YIPF1: variants seen among roughly 807,000 people sequenced by gnomAD.
YIPF1 encodes the protein Yip1 domain family member 1.
In YIPF1, 22 loss-of-function variants were observed where a neutral mutation model predicts 37.0. The observed-to-expected ratio is 0.59, with a 90% CI of 0.42 to 0.85. The LOEUF is 0.85. Among genes scored for constraint, YIPF1 ranks in the 40% least tolerant of loss-of-function variants. YIPF1 has a pLI of 0.00. For synonymous variants in YIPF1, 128 were observed against 131.9 expected, an observed-to-expected ratio of 0.97 and a Z score of 0.21; for missense variants, 355 against 373.1, an observed-to-expected ratio of 0.95 and a Z score of 0.40.
intron 6 of YIPF1, among the ~76,000 whole-genome samples, chr1:53,875,788 A>G (rs1267150400): frequency 6.6e-6 from 1 of 152,234 alleles, no homozygotes; most frequent in Non-Finnish European, 1.5e-5. Context: ...AGATATCTAC[A>G]TAAATCACTC....
chr1:53,888,868 G>A, intron 3 of YIPF1, 39 bp downstream of exon 3: 1 of 1,544,804 alleles, frequency 6.5e-7, no homozygotes, highest in Non-Finnish European at 8.9e-7. Context: ...TGTAGCAACA[G>A]TGATCATAAA....
chr1:53,862,736 T>C lies in YIPF1; in HGVS notation c.832-2583A>G, dbSNP rs181525063. ...CTGCCAGTTCCTCTCTCTGCCCTAA[T>C]AATAATGTCTTCCATTTACATGACT... On this transcript the variant is annotated intron_variant, in intron 9 of 10. Coordinates refer to ENST00000072644, the MANE Select transcript of YIPF1 (RefSeq NM_018982.5). 3.3e-3 allele frequency among the ~76,000 whole-genome samples: 499 copies of C among 152,332 alleles called. 8 individuals carry two copies. Among genetic ancestry groups the C allele is most frequent in the Non-Finnish European group, 1.1e-3 (74 of 68,028 alleles).
At chr1:53,876,093 G>A (rs1371475986) in intron 6 of YIPF1, among the ~76,000 whole-genome samples, 1 of 152,138 alleles carries the variant, frequency 6.6e-6, no homozygotes, top group Non-Finnish European at 1.5e-5. Flanking sequence ...AACTGTGTAT[G>A]TTTACTAAAA....
At chr1:53,859,715 A>G (rs1481630887) in intron 10 of YIPF1, among the ~76,000 whole-genome samples, 3 of 152,182 alleles carry the variant, frequency 2.0e-5, no homozygotes, top group Non-Finnish European at 2.9e-5. Flanking sequence ...AACCACCAGG[A>G]TTGTTATAAA....
intron 6 of YIPF1, among the ~76,000 whole-genome samples, chr1:53,872,639 C>A (rs549032982): frequency 1.3e-5 from 2 of 152,300 alleles, no homozygotes; most frequent in African/African-American, 4.8e-5. Flanking sequence ...TATTTTGCAA[C>A]ACCCTTTGGG....
At chr1:53,852,782 CAA>C (rs10708560) in intron 10 of YIPF1, among the ~76,000 whole-genome samples, 95 of 144,934 alleles carry the variant, frequency 6.6e-4, no homozygotes, top group Middle Eastern at 7.1e-3. Flanking sequence ...AATAGGGGGC[CAA>C]AAAAAAAAAG....
intron 9 of YIPF1, among the ~76,000 whole-genome samples, chr1:53,860,468 T>C (rs1649840406): frequency 6.6e-6 from 1 of 152,236 alleles, no homozygotes; most frequent in South Asian, 2.1e-4. Flanking sequence ...GACTGTCATT[T>C]GATCAGGTGA....
rs1041902004 is a variant in YIPF1, at chr1:53,876,005, T to C, written c.364+2310A>G. Among the ~76,000 whole-genome samples, 6 of 152,244 alleles carry C rather than the reference T, an allele frequency of 3.9e-5. No homozygotes were observed. In the East Asian group the frequency reaches 5.8e-4, roughly 15 times the overall value. On this transcript the variant is annotated intron_variant, in intron 6 of 10. Transcript: ENST00000072644. ...CCTAAGGGTAGAGATTTTTATGTTT[T>C]CACTGCTGTATCTCCAGTACAATAG...
intron 3 of YIPF1, among the ~76,000 whole-genome samples, chr1:53,885,341 A>C (rs1355235599): frequency 6.6e-6 from 1 of 152,222 alleles, no homozygotes; most frequent in Non-Finnish European, 1.5e-5. Flanking sequence ...TAAAATAACT[A>C]GAAAAGTATA....
rs368625916 is a variant in YIPF1, at chr1:53,888,833, T to C, written c.31+74A>G. The C allele has an allele frequency of 5.1e-5, 70 of 1,384,910 alleles. No individual in the cohort carries two copies. The African/African-American group carries it at 9.6e-4, about 19-fold the overall frequency. 85.8% of individuals were successfully genotyped at this position (1,384,910 alleles called of 1,614,324 possible). A position where few individuals can be genotyped will look rare whatever the true frequency, so the allele number is the denominator to read the frequency against. ...ATATCCTTCAATGTGTGAGGCAGTA[T>C]AGGAATGAAAATACTTGCTGTGACT... On this transcript the variant is annotated intron_variant, in intron 3 of 10. Transcript: ENST00000072644.
chr1:53,860,431 A>G (rs1649839691), intron 9 of YIPF1, among the ~76,000 whole-genome samples: 1 of 152,228 alleles, frequency 6.6e-6, no homozygotes, highest in Non-Finnish European at 1.5e-5. Flanking sequence ...TCCTCATTAG[A>G]CAGATAAAGA....
At chr1:53,885,835 A>G (rs890494113) in intron 3 of YIPF1, among the ~76,000 whole-genome samples, 13 of 151,490 alleles carry the variant, frequency 8.6e-5, no homozygotes, top group Non-Finnish European at 1.6e-4. Context: ...AAAAAAAAAA[A>G]AAAGAGAGAA....
intron 3 of YIPF1, 81 bp downstream of exon 3, chr1:53,888,826 G>C (rs2100747788): frequency 7.6e-7 from 1 of 1,309,022 alleles, no homozygotes; most frequent in Non-Finnish European, 1.1e-6. Flanking sequence ...CAATGTGTGA[G>C]GCAGTATAGG....
intron 6 of YIPF1, among the ~76,000 whole-genome samples, chr1:53,874,217 C>T (rs369614630): frequency 6.6e-6 from 1 of 152,098 alleles, no homozygotes; most frequent in East Asian, 1.9e-4. Context: ...CCAGCTACCC[C>T]CAGTGGAAGG....
At chr1:53,886,329 G>C (rs1227000702) in intron 3 of YIPF1, among the ~76,000 whole-genome samples, 1 of 151,896 alleles carries the variant, frequency 6.6e-6, no homozygotes, top group Non-Finnish European at 1.5e-5. Context: ...TCTTCACACA[G>C]TCTGCTCTGT....
chr1:53,870,329 C>A (rs982101990), intron 7 of YIPF1, among the ~76,000 whole-genome samples: 2 of 151,620 alleles, frequency 1.3e-5, no homozygotes, highest in Non-Finnish European at 2.9e-5. Flanking sequence ...CACCACCATA[C>A]CCGGTAACTT....
intron 6 of YIPF1, among the ~76,000 whole-genome samples, chr1:53,875,519 A>G (rs1247809266): frequency 6.6e-6 from 1 of 152,186 alleles, no homozygotes; most frequent in East Asian, 1.9e-4. Flanking sequence ...CCAGTCTCAA[A>G]AAACAAAAAA....
At chr1:53,887,547 G>A (rs1380869275) in intron 3 of YIPF1, among the ~76,000 whole-genome samples, 1 of 152,000 alleles carries the variant, frequency 6.6e-6, no homozygotes, top group African/African-American at 2.4e-5. Flanking sequence ...TCAGAAAAAA[G>A]GTGACAGTGA....
rs1491042575 is a variant in YIPF1 at position 53,872,029 on chromosome 1, T to TGC, written c.365-543_365-542dup. Among the ~76,000 whole-genome samples, 78 of 148,440 alleles carry TGC rather than the reference T, an allele frequency of 5.3e-4. 1 individual carries two copies. Among genetic ancestry groups the TGC allele is most frequent in the African/African-American group, 1.9e-3 (75 of 40,338 alleles). On this transcript the variant is annotated intron_variant, in intron 6 of 10. Coordinates refer to ENST00000072644, the MANE Select transcript of YIPF1 (RefSeq NM_018982.5). ...CAGTGTGTGTGTGTGTGTGTGTGTG[T>TGC]GCTTAAGGCTTTTTCTTTTTTTTTT... is the stretch of plus-strand genomic sequence containing the variant.
Sources: allele counts gnomAD v4.1 joint callset (sites outside exome capture counted in the v4.1 genomes callset), GRCh38; gene constraint gnomAD v4.1.1; transcripts MANE v1.5; gene names NCBI Gene and HGNC (gene_info 2026-07-23, HGNC 2026-07-21).